Variants in CDC14A observed in about 807,000 individuals in gnomAD.
CDC14A encodes the protein cell division cycle 14A.
Under a neutral mutation model 74.4 loss-of-function variants are expected in CDC14A, and 53 were observed. The observed-to-expected ratio is 0.71, with a 90% CI of 0.57 to 0.89. CDC14A has a LOEUF of 0.89. Among genes scored for constraint, CDC14A ranks in the 40% least tolerant of loss-of-function variants. CDC14A has a pLI of 0.00. For missense variants in CDC14A, 646 were observed against 713.7 expected, an observed-to-expected ratio of 0.91 and a Z score of 1.08; for synonymous variants, 247 against 258.4, an observed-to-expected ratio of 0.96 and a Z score of 0.43.
chr1:100,349,654 G>A (rs557790705), upstream of CDC14A, among the ~76,000 whole-genome samples: 3 of 152,208 alleles, frequency 2.0e-5, no homozygotes, highest in East Asian at 5.8e-4. Flanking sequence ...TTTTGTTGTT[G>A]TTTGTTTGAG....
intron 10 of CDC14A, among the ~76,000 whole-genome samples, chr1:100,483,216 T>TA (rs1390660104): frequency 6.6e-6 from 1 of 152,086 alleles, no homozygotes; most frequent in Non-Finnish European, 1.5e-5. Flanking sequence ...CAACAGTGTA[T>TA]AAGTGTTCCT....
chr1:100,484,214 C>T, intron 10 of CDC14A, 78 bp from the exon 11 acceptor site: 1 of 751,654 alleles, frequency 1.3e-6, no homozygotes, highest in African/African-American at 1.8e-5. Flanking sequence ...TATAAGACAT[C>T]ATACCTTTGA....
At chr1:100,391,433 G>A (rs945405976) in intron 4 of CDC14A, among the ~76,000 whole-genome samples, 1 of 152,228 alleles carries the variant, frequency 6.6e-6, no homozygotes, top group Non-Finnish European at 1.5e-5. Flanking sequence ...TGACCATGCT[G>A]TAGAGTTTTA....
At chr1:100,359,347 G>T (rs1013098973) in intron 2 of CDC14A, among the ~76,000 whole-genome samples, 1 of 152,316 alleles carries the variant, frequency 6.6e-6, no homozygotes, top group Non-Finnish European at 1.5e-5. Flanking sequence ...CACTGAGCTG[G>T]TAAGGCAGAG....
chr1:100,418,332 G>T (rs911945654), intron 4 of CDC14A, among the ~76,000 whole-genome samples: 7 of 152,234 alleles, frequency 4.6e-5, no homozygotes, highest in African/African-American at 1.7e-4. Context: ...TTGAGTTTAG[G>T]TCTAATGAAA....
chr1:100,417,508 C>T (rs559752841), intron 4 of CDC14A, among the ~76,000 whole-genome samples: 7 of 152,298 alleles, frequency 4.6e-5, no homozygotes, highest in African/African-American at 1.7e-4. Context: ...AGTGTGGCTT[C>T]AGAATAGACA....
At chr1:100,370,505 G>T (rs1654321854) in intron 2 of CDC14A, among the ~76,000 whole-genome samples, 1 of 152,172 alleles carries the variant, frequency 6.6e-6, no homozygotes, top group South Asian at 2.1e-4. Context: ...ATAGATAGGA[G>T]ACCAGTTTCA....
intron 7 of CDC14A, 158 bp downstream of exon 7, chr1:100,443,154 C>T: frequency 5.3e-6 from 3 of 565,860 alleles, no homozygotes; most frequent in Non-Finnish European, 9.2e-6. Context: ...TGGTTATTTC[C>T]TTTGAATCAG....
At chr1:100,408,769 A>G (rs1320264909) in intron 4 of CDC14A, among the ~76,000 whole-genome samples, 1 of 152,136 alleles carries the variant, frequency 6.6e-6, no homozygotes, top group Admixed American at 6.6e-5. Context: ...AGGTTTTGCT[A>G]CATGTGATAT....
upstream of CDC14A, among the ~76,000 whole-genome samples, chr1:100,348,158 T>A (rs1271316340): frequency 1.3e-5 from 2 of 152,020 alleles, no homozygotes; most frequent in Non-Finnish European, 2.9e-5. Flanking sequence ...GGTGCACGCC[T>A]GTAGTCCCAG....
At chr1:100,374,318 C>A (rs1654922964) in intron 2 of CDC14A, among the ~76,000 whole-genome samples, 1 of 152,102 alleles carries the variant, frequency 6.6e-6, no homozygotes, top group Admixed American at 6.5e-5. Context: ...TGGGTATATA[C>A]CCAGTAATGG....
At chr1:100,389,451 C>CA (rs111538330) in intron 3 of CDC14A, among the ~76,000 whole-genome samples, 9,795 of 112,306 alleles carry the variant, frequency 0.087, 339 homozygotes, top group African/African-American at 0.11. Flanking sequence ...GAATCTGTCT[C>CA]AAAAAAAAAA....
At chr1:100,375,107 G>A (rs763611917) in intron 2 of CDC14A, among the ~76,000 whole-genome samples, 1 of 152,176 alleles carries the variant, frequency 6.6e-6, no homozygotes, top group African/African-American at 2.4e-5. Flanking sequence ...TGATTGGAAA[G>A]GCTTCATGGA....
chr1:100,489,581 T>TA (rs1670409179), intron 11 of CDC14A, among the ~76,000 whole-genome samples: 1 of 38,516 alleles, frequency 2.6e-5, no homozygotes, highest in African/African-American at 4.7e-5. Context: ...TCATCACTCA[T>TA]GTTTTTTTTT....
chr1:100,511,799 T>C (rs1649806166), intron 15 of CDC14A, among the ~76,000 whole-genome samples: 1 of 152,238 alleles, frequency 6.6e-6, no homozygotes, highest in Non-Finnish European at 1.5e-5. Flanking sequence ...TAGCCCTTTC[T>C]GTCTTCCTGT....
intron 11 of CDC14A, among the ~76,000 whole-genome samples, chr1:100,487,597 A>C (rs1459314019): frequency 1.5e-5 from 2 of 133,694 alleles, no homozygotes; most frequent in Admixed American, 1.5e-4. Flanking sequence ...AAACAAAACA[A>C]AAAACAAAAA....
chr1:100,391,111 C>A, intron 4 of CDC14A: 2 of 397,432 alleles, frequency 5.0e-6, no homozygotes, highest in Non-Finnish European at 9.4e-6. Context: ...AAGGACATTT[C>A]TAGGAAAAAA....
At chr1:100,345,495 A>G (rs905127443) in intron 1 of CDC14A, among the ~76,000 whole-genome samples, 1 of 152,198 alleles carries the variant, frequency 6.6e-6, no homozygotes, top group African/African-American at 2.4e-5. Context: ...AGAGTCCAAA[A>G]TAATGCATAC....
intron 4 of CDC14A, among the ~76,000 whole-genome samples, chr1:100,401,888 A>G (rs763948887): frequency 2.6e-5 from 4 of 152,088 alleles, no homozygotes; most frequent in Non-Finnish European, 5.9e-5. Context: ...AAAACACAAA[A>G]TTAGCCAGGC....
Sources: gnomAD v4.1 joint callset for allele counts (sites outside exome capture counted in the v4.1 genomes callset) on GRCh38, gnomAD v4.1.1 for gene constraint, MANE v1.5 for transcripts, NCBI Gene and HGNC (gene_info 2026-07-23, HGNC 2026-07-21) for gene names.